The following MTMR3 variants were observed in gnomAD, a reference collection of about 807,000 sequenced individuals.
The protein encoded by MTMR3 is myotubularin related protein 3, also known as phosphatidylinositol-3,5-bisphosphate 3-phosphatase MTMR3.
A neutral mutation model predicts 132.4 loss-of-function variants in MTMR3; 32 were observed. The observed-to-expected ratio is 0.24, with a 90% confidence interval of 0.18 to 0.32. The LOEUF (loss-of-function observed/expected upper bound fraction) is 0.32, where lower values mean the gene tolerates loss of function less well. Ranked by LOEUF, MTMR3 falls within the 10% of genes least tolerant of loss-of-function variation. The pLI, the probability that MTMR3 is intolerant of heterozygous loss-of-function variation, is 1.00. For synonymous variants in MTMR3, 556 were observed against 550.3 expected, an observed-to-expected ratio of 1.01 and a Z score of -0.14; for missense variants, 1,216 against 1,489.6, an observed-to-expected ratio of 0.82 and a Z score of 3.02.
chr22:29,967,246 C>CGT (rs1233740496), intron 2 of MTMR3, among the ~76,000 whole-genome samples: 1 of 149,662 alleles, frequency 6.7e-6, no homozygotes, highest in Non-Finnish European at 1.5e-5. Flanking sequence ...TGCGCGCGCG[C>CGT]GCGCATGTTT....
Position 30,019,717 on chromosome 22 carries a change from G to A in MTMR3, c.2058G>A (p.Glu686=), listed in dbSNP as rs765042035. ...TTTCTGTTGCAGCCGGAGTAGCTGA[G>A]GGGCAGATGGAGAACATCTTGCAGG... The part of the protein sequence containing the change: ...AELSVAAGVA[E]GQMENILQEA... Residue 686 remains glutamate (E), a synonymous_variant, in exon 17 of 20, where the codon GAG becomes GAA. Coordinates refer to ENST00000401950, the MANE Select transcript of MTMR3 (RefSeq NM_021090.4). 1 of 1,614,238 alleles carries A rather than the reference G, an allele frequency of 6.2e-7. No individual in the cohort carries two copies. Among genetic ancestry groups the A allele is most frequent in the South Asian group, 1.1e-5 (1 of 91,086 alleles).
chr22:29,890,362 C>A (rs1207850277), intron 1 of MTMR3, among the ~76,000 whole-genome samples: 1 of 150,710 alleles, frequency 6.6e-6, no homozygotes, highest in Non-Finnish European at 1.5e-5. Context: ...ACTAAAAATA[C>A]AAAAATCAGT....
At chr22:29,978,736 T>A (rs2066680096) in intron 4 of MTMR3, among the ~76,000 whole-genome samples, 200 bp from the exon 5 acceptor site, 1 of 152,210 alleles carries the variant, frequency 6.6e-6, no homozygotes, top group Admixed American at 6.5e-5. Context: ...ATCATTCCTT[T>A]AGTAGTTCAG....
chr22:29,884,213 C>A (rs1226102250), intron 1 of MTMR3, among the ~76,000 whole-genome samples: 1 of 152,118 alleles, frequency 6.6e-6, no homozygotes, highest in Non-Finnish European at 1.5e-5. Flanking sequence ...TAAATTCTTA[C>A]TGTTGTAGTA....
At chr22:30,010,676 T>G (rs572126471) in intron 12 of MTMR3, 1 of 152,204 alleles carries the variant, frequency 6.6e-6, no homozygotes, top group Non-Finnish European at 1.5e-5. Context: ...AATAATAGTT[T>G]AGTTAGGTTC....
intron 1 of MTMR3, among the ~76,000 whole-genome samples, chr22:29,953,605 T>TATTTAATA (rs2066125426): frequency 6.6e-6 from 1 of 152,234 alleles, no homozygotes; most frequent in African/African-American, 2.4e-5. Flanking sequence ...AATACTGTAG[T>TATTTAATA]ATTTAATAAT....
chr22:29,998,726 T>C (rs2067111221), intron 7 of MTMR3, 35 bp from the exon 8 acceptor site: 1 of 1,543,912 alleles, frequency 6.5e-7, no homozygotes, highest in Non-Finnish European at 8.9e-7. Context: ...ATGGTATTCA[T>C]TTCTTCCTTT....
chr22:29,999,971 C>G (rs2067135974), intron 8 of MTMR3: 1 of 151,610 alleles, frequency 6.6e-6, no homozygotes, highest in South Asian at 2.1e-4. Flanking sequence ...GAGATTGCAC[C>G]ACTATATTCC....
At chr22:30,003,203 A>G in intron 9 of MTMR3, 1 of 428,390 alleles carries the variant, frequency 2.3e-6, no homozygotes, top group Non-Finnish European at 4.2e-6. Context: ...TTCATTTGAA[A>G]CAGATAAGAA....
chr22:29,913,808 G>T (rs1452708917), intron 1 of MTMR3, among the ~76,000 whole-genome samples: 1 of 151,978 alleles, frequency 6.6e-6, no homozygotes, highest in Non-Finnish European at 1.5e-5. Flanking sequence ...CTGGAGTGCG[G>T]TGGCGAGATC....
At chr22:29,963,402 T>C (rs529532913) in intron 2 of MTMR3, among the ~76,000 whole-genome samples, 3 of 151,318 alleles carry the variant, frequency 2.0e-5, no homozygotes, top group African/African-American at 7.3e-5. Context: ...CTTTTTTTTT[T>C]TTTTTTTGAG....
At chr22:29,891,950 C>T (rs964642155) in intron 1 of MTMR3, among the ~76,000 whole-genome samples, 16 of 151,924 alleles carry the variant, frequency 1.1e-4, no homozygotes, top group African/African-American at 3.4e-4. Flanking sequence ...GTCAGGAGAT[C>T]GAGACCATCC....
At chr22:29,905,422 G>A (rs1462750798) in intron 1 of MTMR3, among the ~76,000 whole-genome samples, 2 of 152,158 alleles carry the variant, frequency 1.3e-5, no homozygotes, top group Non-Finnish European at 2.9e-5. Flanking sequence ...AAATTTCATA[G>A]TTGATACTTG....
In MTMR3 at chr22:30,022,708, G is replaced by GGGGCTGTGGTAGGGT. The variant is rs1184328373; in HGVS notation, c.3425+20_3425+34dup. ...GAAGCACCACTGCAGGTACCATTGA[G>GGGGCTGTGGTAGGGT]GGGCTGTGGTAGGGTGGGCTGTGTG... On this transcript the variant is annotated intron_variant, in intron 19 of 19. Transcript: ENST00000401950. 1.2e-6 allele frequency: 2 copies of GGGGCTGTGGTAGGGT among 1,602,492 alleles called. No individual in the cohort carries two copies. Among genetic ancestry groups the GGGGCTGTGGTAGGGT allele is most frequent in the African/African-American group, 2.7e-5 (2 of 74,870 alleles).
chr22:29,983,493 A>G (rs1209928821), intron 5 of MTMR3: 1 of 151,874 alleles, frequency 6.6e-6, no homozygotes, highest in Non-Finnish European at 1.5e-5. Flanking sequence ...GAAGGAGGTT[A>G]TTGTTAACAT....
intron 8 of MTMR3, chr22:29,999,555 G>A (rs1426814600): frequency 6.6e-6 from 1 of 152,206 alleles, no homozygotes; most frequent in East Asian, 1.9e-4. Flanking sequence ...ATGAGGTCAA[G>A]TGTAGAATTT....
At chr22:29,916,895 G>A (rs2065319627) in intron 1 of MTMR3, among the ~76,000 whole-genome samples, 1 of 152,146 alleles carries the variant, frequency 6.6e-6, no homozygotes, top group Non-Finnish European at 1.5e-5. Context: ...TTTACCAATT[G>A]CTCCCTAATG....
rs758472948 is a variant in MTMR3, at chr22:30,002,976, C to T, written c.654C>T (p.Ile218=). The T allele has an allele frequency of 6.2e-7, 1 of 1,614,006 alleles. No homozygotes were observed. The highest frequency in any genetic ancestry group is 8.5e-7 in the Non-Finnish European group (1 of 1,179,886). Residue 218 remains isoleucine, a synonymous_variant, in exon 9 of 20, where the codon ATC becomes ATT. Transcript: ENST00000401950. ...CAAGTTTCAGGTCCTGGAAGCGCAT[C>T]CCTGCCGTCATCTACAGGTAAGTTA... is the stretch of plus-strand genomic sequence containing the variant. ...SVSSFRSWKR[I]PAVIYRHQSN...
intron 1 of MTMR3, among the ~76,000 whole-genome samples, chr22:29,956,472 C>G (rs2066192881): frequency 2.0e-5 from 3 of 152,100 alleles, no homozygotes; most frequent in Non-Finnish European, 4.4e-5. Context: ...GTCTCTAACT[C>G]CTGACCTCAA....
Sources: gnomAD v4.1 joint callset for allele counts (sites outside exome capture counted in the v4.1 genomes callset) on GRCh38, gnomAD v4.1.1 for gene constraint, MANE v1.5 for transcripts, NCBI Gene and HGNC (gene_info 2026-07-23, HGNC 2026-07-21) for gene names.